Variants in MYBL2 observed in about 807,000 individuals in gnomAD.
MYBL2 encodes MYB proto-oncogene like 2, also known as myb-related protein B.
In MYBL2, 28 loss-of-function variants were observed where a neutral mutation model predicts 79.9. The ratio of observed to expected loss-of-function variants is 0.35; its 90% CI spans 0.26 to 0.48. MYBL2 has a LOEUF of 0.48. MYBL2 is among the 20% of genes least tolerant of loss of function. The probability of loss-of-function intolerance (pLI) is 0.99; values close to 1 mark genes in which losing one functional copy is unlikely to be tolerated. For synonymous variants in MYBL2, 378 were observed against 361.2 expected (o/e 1.05, Z -0.53); for missense variants, 735 against 893.9 (o/e 0.82, Z 2.27).
At chr20:43,679,928 A>T (rs141179253) in intron 2 of MYBL2, among the ~76,000 whole-genome samples, 145 of 149,428 alleles carry the variant, frequency 9.7e-4, no homozygotes, top group African/African-American at 3.3e-3. Flanking sequence ...AAAAAAAAGG[A>T]TGGAAAACTG....
chr20:43,707,322 C>G (rs1312677736), intron 9 of MYBL2, among the ~76,000 whole-genome samples: 1 of 152,028 alleles, frequency 6.6e-6, no homozygotes, highest in Non-Finnish European at 1.5e-5. Flanking sequence ...AGCCCTTAAA[C>G]AGAGATGCTG....
intron 10 of MYBL2, 81 bp downstream of exon 10, chr20:43,710,143 C>T (rs978951273): frequency 7.9e-6 from 9 of 1,132,826 alleles, no homozygotes; most frequent in Non-Finnish European, 1.1e-5. Context: ...TCCACAGGAC[C>T]CTTCCCTCTG....
intron 2 of MYBL2, among the ~76,000 whole-genome samples, chr20:43,679,715 G>C (rs1246421998): frequency 6.6e-6 from 1 of 152,110 alleles, no homozygotes; most frequent in Non-Finnish European, 1.5e-5. Context: ...GTCTAGACCA[G>C]CCTGAAGAAC....
At chr20:43,706,829 C>T (rs957386696) in intron 9 of MYBL2, among the ~76,000 whole-genome samples, 3 of 148,800 alleles carry the variant, frequency 2.0e-5, no homozygotes, top group Non-Finnish European at 4.4e-5. Context: ...AGTTCTCCTG[C>T]CTCAGCCTCC....
At chr20:43,698,468 TC>T (rs1370886942) in intron 6 of MYBL2, among the ~76,000 whole-genome samples, 1 of 142,422 alleles carries the variant, frequency 7.0e-6, no homozygotes, top group Non-Finnish European at 1.5e-5. Context: ...AGCTCCATCT[TC>T]CGGGTTCACA....
intron 5 of MYBL2, among the ~76,000 whole-genome samples, chr20:43,689,650 CCT>C (rs1987359804): frequency 6.6e-6 from 1 of 152,182 alleles, no homozygotes; most frequent in African/African-American, 2.4e-5. Flanking sequence ...TCTCTGGTGA[CCT>C]CTGTGTTGTG....
intron 7 of MYBL2, 54 bp from the exon 8 acceptor site, chr20:43,702,436 C>T: frequency 6.6e-7 from 1 of 1,505,722 alleles, no homozygotes; most frequent in South Asian, 1.3e-5. Context: ...ATGAATGAGT[C>T]CTCTTGTATT....
intron 11 of MYBL2, 63 bp downstream of exon 11, chr20:43,711,664 C>A: frequency 7.0e-7 from 1 of 1,438,142 alleles, no homozygotes; most frequent in Non-Finnish European, 9.6e-7. Context: ...ATGGGGGAGG[C>A]GTCTGGGGAC....
intron 2 of MYBL2, among the ~76,000 whole-genome samples, chr20:43,678,611 C>G (rs936955429): frequency 6.6e-6 from 1 of 151,976 alleles, no homozygotes; most frequent in Non-Finnish European, 1.5e-5. Flanking sequence ...AATCCCAGCA[C>G]TTTGGGAGGC....
intron 5 of MYBL2, among the ~76,000 whole-genome samples, chr20:43,691,205 T>A (rs763927963): frequency 1.3e-5 from 2 of 152,190 alleles, no homozygotes; most frequent in Middle Eastern, 6.3e-3. Context: ...TCAGTGGAAA[T>A]GAGCAGACAG....
At chr20:43,671,310 C>G (rs1293969790) in intron 1 of MYBL2, among the ~76,000 whole-genome samples, 1 of 151,798 alleles carries the variant, frequency 6.6e-6, no homozygotes, top group Non-Finnish European at 1.5e-5. Flanking sequence ...CGCATGCCAC[C>G]ACACCCAGCT....
intron 1 of MYBL2, among the ~76,000 whole-genome samples, chr20:43,669,862 A>G (rs1471423539): frequency 6.6e-6 from 1 of 152,190 alleles, no homozygotes; most frequent in Admixed American, 6.5e-5. Context: ...GTGGTAGCTC[A>G]TGCCTGTAAT....
chr20:43,673,664 C>T, intron 1 of MYBL2, 142 bp from the exon 2 acceptor site: 4 of 783,406 alleles, frequency 5.1e-6, no homozygotes, highest in Non-Finnish European at 6.9e-6. Context: ...GCAGAAGTGC[C>T]TATGTCTTAA....
intron 1 of MYBL2, 45 bp downstream of exon 1, chr20:43,667,348 C>T: frequency 1.7e-6 from 2 of 1,189,516 alleles, no homozygotes; most frequent in Non-Finnish European, 2.1e-6. Flanking sequence ...CTCCCTTTAA[C>T]TCACCCCTCC....
intron 7 of MYBL2, among the ~76,000 whole-genome samples, chr20:43,700,719 G>A (rs548041644): frequency 6.6e-6 from 1 of 152,236 alleles, no homozygotes; most frequent in East Asian, 1.9e-4. Context: ...ACATCTAACT[G>A]CCAGGGTCTG....
In MYBL2 at chr20:43,715,811, G is replaced by A. The variant is rs1049691581; in HGVS notation, c.1975-148G>A. The A allele has an allele frequency of 9.4e-6, 11 of 1,164,692 alleles. 1 individual carries two copies. The highest frequency in any genetic ancestry group is 1.5e-5 in the African/African-American group (1 of 64,738). The allele number at this position is 1,164,692 out of a possible 1,614,324, so 72.1% of individuals were successfully genotyped here. A position where few individuals can be genotyped will look rare whatever the true frequency, so the allele number is the denominator to read the frequency against. The stretch of plus-strand genomic sequence containing the variant: ...ACAGCCAGGAAGTGACTTGTCCAGG[G>A]TCACAGGGAATGTGGAGAGAGAATA... On this transcript the variant is annotated intron_variant, in intron 13 of 13. Coordinates refer to ENST00000217026, the MANE Select transcript of MYBL2 (RefSeq NM_002466.4).
chr20:43,674,790 C>G (rs541754454), intron 2 of MYBL2, among the ~76,000 whole-genome samples: 84 of 152,126 alleles, frequency 5.5e-4, no homozygotes, highest in Admixed American at 1.3e-3. Flanking sequence ...CCTCGGCCTC[C>G]CAAAGTGCTG....
At chr20:43,671,945 C>T (rs1600540077) in intron 1 of MYBL2, among the ~76,000 whole-genome samples, 2 of 149,410 alleles carry the variant, frequency 1.3e-5, no homozygotes, top group East Asian at 4.0e-4. Context: ...CGCGGTGGCT[C>T]ACGCCTGTAA....
In MYBL2 at chr20:43,699,782, C is replaced by T; in HGVS notation, c.689C>T (p.Ser230Phe). ...GQGSLLTNWP[S>F]VPPTIKEEEN... ...GGAAGTCTTCTGACCAACTGGCCCT[C>T]CGTCCCTCCTACCATAAAGGAGGAG... is the stretch of plus-strand genomic sequence containing the variant. Residue 230 changes from serine (S) to phenylalanine (F), a missense_variant, in exon 7 of 14, where the codon TCC becomes TTC. Around this residue, in one of 5 missense-constraint regions of MYBL2, gnomAD observed 144 missense variants for 131.9 expected, o/e 1.09. Coordinates refer to ENST00000217026, the MANE Select transcript of MYBL2 (RefSeq NM_002466.4). 9.9e-6 allele frequency: 16 copies of T among 1,614,144 alleles called. No homozygotes were observed. The highest frequency in any genetic ancestry group is 1.4e-5 in the Non-Finnish European group (16 of 1,180,020).
Sources: gnomAD v4.1 joint callset for allele counts (sites outside exome capture counted in the v4.1 genomes callset) on GRCh38, gnomAD v4.1.1 for gene constraint, gnomAD v4.1.1 regional missense constraint, MANE v1.5 for transcripts, NCBI Gene and HGNC (gene_info 2026-07-23, HGNC 2026-07-21) for gene names.